Variants in RARB observed in about 807,000 individuals in gnomAD.
The protein encoded by RARB is HBV-activated protein.
A neutral mutation model predicts 51.9 loss-of-function variants in RARB; 17 were observed. The ratio of observed to expected loss-of-function variants is 0.33; its 90% CI spans 0.22 to 0.49. The LOEUF is 0.49. RARB is among the 20% of genes least tolerant of loss of function. RARB has a pLI of 0.99. For synonymous variants in RARB, 215 were observed against 195.4 expected (o/e 1.10, Z -0.84); for missense variants, 369 against 550.8 (o/e 0.67, Z 3.30).
intron 5 of RARB, among the ~76,000 whole-genome samples, chr3:25,373,856 G>A (rs1455744821): frequency 3.3e-5 from 5 of 152,146 alleles, no homozygotes; most frequent in African/African-American, 9.7e-5. Context: ...CCAGGTAATG[G>A]GGGACTAACT....
intron 3 of RARB, among the ~76,000 whole-genome samples, chr3:25,107,237 G>A (rs1435367785): frequency 3.3e-5 from 5 of 152,210 alleles, no homozygotes; most frequent in Non-Finnish European, 7.4e-5. Flanking sequence ...GCTATCAGAT[G>A]CCAGTACTTC....
At chr3:24,985,265 C>G (rs909866777) in intron 2 of RARB, among the ~76,000 whole-genome samples, 15 of 152,078 alleles carry the variant, frequency 9.9e-5, no homozygotes, top group African/African-American at 3.4e-4. Context: ...TGAGATTGCA[C>G]GCCAACATCT....
intron 2 of RARB, among the ~76,000 whole-genome samples, chr3:24,999,262 C>T (rs1486409485): frequency 6.6e-6 from 1 of 152,042 alleles, no homozygotes; most frequent in Non-Finnish European, 1.5e-5. Flanking sequence ...CACAGCTAGC[C>T]ATGTTATAAA....
At chr3:25,415,125 A>G (rs999644661) in intron 5 of RARB, among the ~76,000 whole-genome samples, 2 of 152,170 alleles carry the variant, frequency 1.3e-5, no homozygotes, top group African/African-American at 4.8e-5. Flanking sequence ...TGCGCTTTGC[A>G]CTATTTTTAT....
intron 2 of RARB, among the ~76,000 whole-genome samples, chr3:24,959,979 T>A (rs1696102997): frequency 6.6e-6 from 1 of 152,234 alleles, no homozygotes; most frequent in Admixed American, 6.5e-5. Flanking sequence ...GGATTTGGGT[T>A]CAAGTCCATC....
chr3:25,223,457 A>C (rs567948428), intron 5 of RARB, among the ~76,000 whole-genome samples: 1 of 152,374 alleles, frequency 6.6e-6, no homozygotes, highest in East Asian at 1.9e-4. Flanking sequence ...TTCTTGCTTG[A>C]ATAGAGAACA....
intron 5 of RARB, among the ~76,000 whole-genome samples, chr3:25,323,924 C>G (rs939908825): frequency 1.3e-5 from 2 of 152,124 alleles, no homozygotes; most frequent in Non-Finnish European, 2.9e-5. Flanking sequence ...TATTAAATGA[C>G]AATAGGCAAT....
chr3:24,896,693 C>G (rs772575027), intron 2 of RARB, among the ~76,000 whole-genome samples: 1 of 152,098 alleles, frequency 6.6e-6, no homozygotes, highest in Non-Finnish European at 1.5e-5. Context: ...TATTTTGATA[C>G]AATAAAAAAA....
chr3:25,112,134 A>G (rs1227515038), intron 3 of RARB, among the ~76,000 whole-genome samples: 1 of 152,218 alleles, frequency 6.6e-6, no homozygotes, highest in African/African-American at 2.4e-5. Context: ...TGTAGAAGTT[A>G]AGAATTATTG....
intron 5 of RARB, among the ~76,000 whole-genome samples, chr3:25,585,843 G>T (rs1299137070): frequency 6.6e-6 from 1 of 152,176 alleles, no homozygotes; most frequent in African/African-American, 2.4e-5. Flanking sequence ...TCCCCAGGTC[G>T]CGCAGCTAGT....
intron 2 of RARB, among the ~76,000 whole-genome samples, chr3:24,976,400 T>C (rs1202507101): frequency 6.6e-6 from 1 of 152,224 alleles, no homozygotes. Flanking sequence ...TGTAAAAGCA[T>C]TCCTGTTTCT....
intron 2 of RARB, among the ~76,000 whole-genome samples, chr3:25,027,157 A>G (rs925779624): frequency 6.6e-6 from 1 of 152,226 alleles, no homozygotes. Context: ...CAGAAACTAT[A>G]AAGAGACAAT....
At chr3:25,297,382 C>T (rs1703938440) in intron 5 of RARB, among the ~76,000 whole-genome samples, 1 of 140,244 alleles carries the variant, frequency 7.1e-6, no homozygotes, top group Non-Finnish European at 1.5e-5. Flanking sequence ...GCTTGAAAAA[C>T]TGAGTACTCA....
At chr3:25,065,107 C>G (rs766727931) in intron 3 of RARB, among the ~76,000 whole-genome samples, 1 of 144,718 alleles carries the variant, frequency 6.9e-6, no homozygotes, top group East Asian at 2.0e-4. Context: ...ATTTTAAATA[C>G]GACTCTAGAA....
intron 2 of RARB, among the ~76,000 whole-genome samples, chr3:24,963,567 T>C (rs969374757): frequency 2.0e-5 from 3 of 151,614 alleles, no homozygotes; most frequent in Non-Finnish European, 2.9e-5. Flanking sequence ...AGAATAACTT[T>C]TAGAACTAAA....
intron 3 of RARB, among the ~76,000 whole-genome samples, chr3:25,099,417 T>G (rs540004045): frequency 3.3e-5 from 5 of 152,146 alleles, no homozygotes; most frequent in Admixed American, 3.3e-4. Flanking sequence ...ATGTGAATGT[T>G]CTGAGTGAAG....
intron 1 of RARB, among the ~76,000 whole-genome samples, chr3:25,447,131 A>T (rs868315570): frequency 4.6e-5 from 7 of 152,364 alleles, no homozygotes; most frequent in South Asian, 2.1e-4. Flanking sequence ...CGCCATATAA[A>T]GTGTGCTGTT....
upstream of RARB, among the ~76,000 whole-genome samples, chr3:25,426,179 T>C (rs1707980537): frequency 1.3e-5 from 2 of 152,216 alleles, no homozygotes; most frequent in Non-Finnish European, 2.9e-5. Flanking sequence ...TTAATGACAG[T>C]GTGTTAAATG....
intron 3 of RARB, among the ~76,000 whole-genome samples, chr3:25,502,405 G>T (rs749223785): frequency 6.6e-6 from 1 of 152,158 alleles, no homozygotes; most frequent in Non-Finnish European, 1.5e-5. Context: ...TACTCTGAGG[G>T]TGCTCAGCTG....
Sources: gnomAD v4.1 joint callset for allele counts (sites outside exome capture counted in the v4.1 genomes callset) on GRCh38, gnomAD v4.1.1 for gene constraint, MANE v1.5 for transcripts, NCBI Gene and HGNC (gene_info 2026-07-23, HGNC 2026-07-21) for gene names.